Variants in ANKDD1B observed in about 807,000 individuals in gnomAD.
ANKDD1B encodes the protein ankyrin repeat and death domain-containing protein 1B.
Under a neutral mutation model 59.7 loss-of-function variants are expected in ANKDD1B, and 57 were observed. That is an observed-to-expected ratio of 0.95 (90% CI 0.77 to 1.19). ANKDD1B has a LOEUF of 1.19. Ranked by LOEUF, ANKDD1B falls within the 50% of genes most tolerant of loss-of-function variation. ANKDD1B has a pLI of 0.00. For missense variants in ANKDD1B, 602 were observed against 641.9 expected (o/e 0.94, Z 0.67); for synonymous variants, 216 against 239.5 (o/e 0.90, Z 0.91).
chr5:75,620,797 C>T (rs1773827032), intron 3 of ANKDD1B, among the ~76,000 whole-genome samples: 1 of 152,162 alleles, frequency 6.6e-6, no homozygotes, highest in South Asian at 2.1e-4. Context: ...TATTAAACAG[C>T]TCAGGGGTAA....
In ANKDD1B at chr5:75,645,225, A is replaced by G. The variant is rs1434904174; in HGVS notation, c.799-7917A>G. Among the ~76,000 whole-genome samples, 3 of 112,308 alleles carry G rather than the reference A, an allele frequency of 2.7e-5. No homozygotes were observed. The East Asian group carries it at 7.2e-4, about 27-fold the overall frequency. 73.7% of individuals were successfully genotyped at this position (112,308 alleles called of 152,430 possible). A position where few individuals can be genotyped will look rare whatever the true frequency, so the allele number is the denominator to read the frequency against. ...AGAGCAAACACATTCAAAAGCTAGC[A>G]GAAGGCAAGAAATAACTAAAATCAG... On this transcript the variant is annotated intron_variant, in intron 7 of 13. Transcript: ENST00000601380.
intron 7 of ANKDD1B, among the ~76,000 whole-genome samples, chr5:75,641,802 A>G (rs1324334679): frequency 6.6e-6 from 1 of 152,216 alleles, no homozygotes; most frequent in Non-Finnish European, 1.5e-5. Context: ...TCGAAAAGCA[A>G]TTTGTCACTT....
chr5:75,666,561 C>T (rs1270863129), intron 11 of ANKDD1B, among the ~76,000 whole-genome samples: 1 of 151,988 alleles, frequency 6.6e-6, no homozygotes, highest in African/African-American at 2.4e-5. Context: ...GGCAAAATCC[C>T]TCACATTTCC....
intron 5 of ANKDD1B, among the ~76,000 whole-genome samples, chr5:75,628,131 G>GA (rs1212091933): frequency 2.0e-5 from 3 of 151,940 alleles, no homozygotes; most frequent in Non-Finnish European, 2.9e-5. Flanking sequence ...AGAAAACACA[G>GA]AAAAAATCTA....
At chr5:75,659,086 TTATC>T (rs1775048640) in intron 9 of ANKDD1B, among the ~76,000 whole-genome samples, 193 bp from the exon 10 acceptor site, 3 of 152,348 alleles carry the variant, frequency 2.0e-5, no homozygotes, top group African/African-American at 7.2e-5. Flanking sequence ...TTATCATAAT[TTATC>T]TAGTGAGTCT....
intron 5 of ANKDD1B, among the ~76,000 whole-genome samples, chr5:75,629,446 A>T (rs933324709): frequency 1.3e-5 from 2 of 152,122 alleles, no homozygotes; most frequent in Non-Finnish European, 2.9e-5. Context: ...CATCTCAGGG[A>T]TCCCTGTGGT....
At chr5:75,639,898 T>G (rs1156888475) in intron 7 of ANKDD1B, among the ~76,000 whole-genome samples, 3 of 152,240 alleles carry the variant, frequency 2.0e-5, no homozygotes, top group African/African-American at 4.8e-5. Context: ...ACTGAAGTAC[T>G]GAGATTTTTT....
chr5:75,654,348 G>A (rs926534646), intron 8 of ANKDD1B, among the ~76,000 whole-genome samples: 9 of 152,280 alleles, frequency 5.9e-5, no homozygotes, highest in African/African-American at 2.2e-4. Context: ...TTGCTGCATG[G>A]CCTTGTGGAA....
chr5:75,641,909 A>G (rs1188464304), intron 7 of ANKDD1B, among the ~76,000 whole-genome samples: 1 of 152,238 alleles, frequency 6.6e-6, no homozygotes, highest in African/African-American at 2.4e-5. Flanking sequence ...GTTAGCTCCA[A>G]TAGCCAAGAA....
intron 7 of ANKDD1B, 75 bp downstream of exon 7, chr5:75,635,957 T>A: frequency 1.1e-6 from 1 of 938,164 alleles, no homozygotes; most frequent in Non-Finnish European, 1.6e-6. Flanking sequence ...AAGAAAAGAG[T>A]GGGAGGAAAA....
Position 75,661,091 on chromosome 5 carries a change from T to C in ANKDD1B, c.1095+1710T>C, listed in dbSNP as rs573760631. Among the ~76,000 whole-genome samples, 125 of 149,688 alleles carry C rather than the reference T, an allele frequency of 8.4e-4. 1 individual carries two copies. Among genetic ancestry groups the C allele is most frequent in the African/African-American group, 3.0e-3 (122 of 40,406 alleles). On this transcript the variant is annotated intron_variant, in intron 10 of 13. Transcript: ENST00000601380. ...TTAGGTTTTTTTGTTTTTTTTTTTC[T>C]GATCATAAAAAAAGTAACACAGACT...
intron 3 of ANKDD1B, among the ~76,000 whole-genome samples, chr5:75,625,154 A>G (rs898309385): frequency 6.6e-6 from 1 of 152,162 alleles, no homozygotes. Context: ...AGATATTGCC[A>G]GATACTTAAA....
intron 9 of ANKDD1B, among the ~76,000 whole-genome samples, chr5:75,656,935 C>T (rs527239343): frequency 1.7e-3 from 257 of 152,318 alleles, no homozygotes; most frequent in Non-Finnish European, 3.1e-3. Flanking sequence ...GCAGTCTCCT[C>T]CAATTCCCAC....
In ANKDD1B at chr5:75,635,827, G is replaced by A. The variant is rs189000343; in HGVS notation, c.743G>A (p.Ser248Asn). ...ALHLAAKHGHSPAVQVLLAQW... is the reference protein window; with the variant it reads ...ALHLAAKHGHNPAVQVLLAQW... ...CACCTCGCTGCGAAGCATGGTCACAGTCCTGCAGTGCAGGTGCTGCTAGCC... is the reference window on the plus strand; with the variant it reads ...CACCTCGCTGCGAAGCATGGTCACAATCCTGCAGTGCAGGTGCTGCTAGCC... The change falls in exon 7 of 14, where the codon AGT becomes AAT. Residue 248 changes from serine (S) to asparagine (N), a missense_variant. By Grantham distance (46) the Ser-to-Asn change is conservative. This residue lies in a region of ANKDD1B where 5 missense variants were observed against 17.5 expected (regional missense o/e 0.29). Coordinates refer to ENST00000601380, the MANE Select transcript of ANKDD1B (RefSeq NM_001276713.2). 2 of 1,534,250 alleles carry A rather than the reference G, an allele frequency of 1.3e-6. No homozygotes were observed. Among genetic ancestry groups the A allele is most frequent in the Non-Finnish European group, 1.7e-6 (2 of 1,145,716 alleles).
At chr5:75,666,753 C>T in intron 11 of ANKDD1B, 39 bp from the exon 12 acceptor site, 2 of 1,387,876 alleles carry the variant, frequency 1.4e-6, no homozygotes, top group Non-Finnish European at 2.0e-6. Flanking sequence ...ATAAGTAGAA[C>T]ATGTCTGAAA....
intron 7 of ANKDD1B, among the ~76,000 whole-genome samples, chr5:75,640,720 A>G (rs1197839549): frequency 6.6e-6 from 1 of 152,222 alleles, no homozygotes; most frequent in African/African-American, 2.4e-5. Context: ...GTTCCAGACC[A>G]TGTTCACTCA....
In ANKDD1B at chr5:75,635,656, G is replaced by T. The variant is rs1581139401; in HGVS notation, c.700-128G>T. ...TTTCACTTAAAACTGCAGATACAGT[G>T]GTCCACACTCTGGACCGCAGCTTTA... On this transcript the variant is annotated intron_variant, in intron 6 of 13. Coordinates refer to ENST00000601380, the MANE Select transcript of ANKDD1B (RefSeq NM_001276713.2). 9.9e-6 allele frequency: 5 copies of T among 505,004 alleles called. No individual in the cohort carries two copies. In the East Asian group the frequency reaches 1.3e-4, roughly 13 times the overall value. 31.3% of individuals were successfully genotyped at this position (505,004 alleles called of 1,614,324 possible).
intron 2 of ANKDD1B, among the ~76,000 whole-genome samples, chr5:75,617,354 AT>A (rs1352417688): frequency 6.6e-6 from 1 of 152,072 alleles, no homozygotes; most frequent in Non-Finnish European, 1.5e-5. Flanking sequence ...AGGCGTGTGG[AT>A]TTTCATTATA....
chr5:75,628,379 T>G (rs1417038299), intron 5 of ANKDD1B, among the ~76,000 whole-genome samples: 1 of 152,196 alleles, frequency 6.6e-6, no homozygotes, highest in Non-Finnish European at 1.5e-5. Context: ...TAAATTTAGT[T>G]ATGTGTACTT....
Sources: gnomAD v4.1 joint callset for allele counts (sites outside exome capture counted in the v4.1 genomes callset) on GRCh38, gnomAD v4.1.1 for gene constraint, gnomAD v4.1.1 regional missense constraint, MANE v1.5 for transcripts, NCBI Gene and HGNC (gene_info 2026-07-23, HGNC 2026-07-21) for gene names.